The following SAMMSON variants were observed in gnomAD, a reference collection of about 807,000 sequenced individuals.
The protein encoded by SAMMSON is long intergenic non-protein coding RNA 1212.
At chr3:70,113,115 T>C (rs556272695) in intron 4 of SAMMSON, among the ~76,000 whole-genome samples, 151 of 152,312 alleles carry the variant, frequency 9.9e-4, no homozygotes, top group Non-Finnish European at 1.4e-3. Flanking sequence ...AAAGGACATA[T>C]ATATATCTCC....
At chr3:70,088,548 A>T (rs935301524) in intron 4 of SAMMSON, among the ~76,000 whole-genome samples, 1 of 152,202 alleles carries the variant, frequency 6.6e-6, no homozygotes, top group Admixed American at 6.5e-5. Flanking sequence ...AAGCCCATGT[A>T]TAAATTGGCT....
At chr3:70,049,437 T>G (rs772610090) in intron 3 of SAMMSON, among the ~76,000 whole-genome samples, 1 of 152,198 alleles carries the variant, frequency 6.6e-6, no homozygotes, top group South Asian at 2.1e-4. Flanking sequence ...TCACAATGAT[T>G]AATGATACAG....
chr3:70,014,662 T>A (rs2066973964), intron 3 of SAMMSON: 1 of 152,134 alleles, frequency 6.6e-6, no homozygotes, highest in African/African-American at 2.4e-5. Flanking sequence ...GAGAATGTCT[T>A]TAGGGACAGA....
At chr3:70,432,396 AAT>A (rs140750936) in intron 2 of SAMMSON, among the ~76,000 whole-genome samples, 98 of 147,560 alleles carry the variant, frequency 6.6e-4, no homozygotes, top group Admixed American at 8.8e-4. Flanking sequence ...TCATTTGTCA[AAT>A]ATATATATAT....
chr3:70,282,554 A>C (rs1702098101), intron 6 of SAMMSON, among the ~76,000 whole-genome samples: 1 of 152,162 alleles, frequency 6.6e-6, no homozygotes, highest in South Asian at 2.1e-4. Flanking sequence ...GGCTTTGAAC[A>C]TTCCAAGCAG....
At chr3:70,062,633 C>T (rs1400230893) in intron 3 of SAMMSON, among the ~76,000 whole-genome samples, 1 of 152,150 alleles carries the variant, frequency 6.6e-6, no homozygotes, top group African/African-American at 2.4e-5. Flanking sequence ...CACTGCTCTT[C>T]TGTCATTGTG....
At chr3:70,136,250 C>A (rs1343984689) in intron 4 of SAMMSON, among the ~76,000 whole-genome samples, 2 of 152,158 alleles carry the variant, frequency 1.3e-5, no homozygotes, top group Non-Finnish European at 2.9e-5. Flanking sequence ...CTGAGCTGTT[C>A]ACCAAAAAGT....
At chr3:70,325,774 G>A (rs1335304990) in intron 7 of SAMMSON, among the ~76,000 whole-genome samples, 2 of 152,080 alleles carry the variant, frequency 1.3e-5, no homozygotes, top group Admixed American at 1.3e-4. Flanking sequence ...GAAGAAAACT[G>A]GTAGGTATAT....
intron 7 of SAMMSON, among the ~76,000 whole-genome samples, chr3:70,320,354 G>A (rs946567805): frequency 3.3e-5 from 5 of 152,028 alleles, no homozygotes; most frequent in Non-Finnish European, 7.4e-5. Context: ...AAGCAAGGGG[G>A]GAATTATTTT....
At chr3:70,402,259 T>A (rs1265063532) in intron 2 of SAMMSON, among the ~76,000 whole-genome samples, 1 of 152,214 alleles carries the variant, frequency 6.6e-6, no homozygotes, top group African/African-American at 2.4e-5. Flanking sequence ...TATTTCTTAC[T>A]GAAACACCAT....
At position 70,356,415 on chromosome 3, in the gene SAMMSON, T is replaced by C. The variant is rs570710976; in HGVS notation, n.843-1839T>C. Among the ~76,000 whole-genome samples, 5 of 152,206 alleles carry C rather than the reference T, an allele frequency of 3.3e-5. No homozygotes were observed. In the South Asian group the frequency reaches 1.0e-3, roughly 32 times the overall value. Reference sequence around the variant, plus strand: ...CCAACTTTAATCAACTTAGGTATACTAACAAAAATATTTCCAAAATGTGCT... The same window carrying C: ...CCAACTTTAATCAACTTAGGTATACCAACAAAAATATTTCCAAAATGTGCT... On this transcript the variant is annotated intron_variant and non_coding_transcript_variant, in intron 8 of 9. Coordinates refer to ENST00000642114, the Ensembl canonical transcript of SAMMSON.
intron 4 of SAMMSON, among the ~76,000 whole-genome samples, chr3:70,177,153 A>T (rs1287074184): frequency 6.6e-6 from 1 of 152,252 alleles, no homozygotes; most frequent in Non-Finnish European, 1.5e-5. Flanking sequence ...GAAAGAAAAT[A>T]TGGAAAGAAA....
At chr3:70,088,001 C>G (rs181117319) in intron 4 of SAMMSON, among the ~76,000 whole-genome samples, 1 of 152,170 alleles carries the variant, frequency 6.6e-6, no homozygotes, top group Admixed American at 6.5e-5. Context: ...TAGGGGAGAG[C>G]ATTGCTTAAG....
At chr3:70,022,532 T>A (rs1287314454) in intron 3 of SAMMSON, among the ~76,000 whole-genome samples, 1 of 152,036 alleles carries the variant, frequency 6.6e-6, no homozygotes, top group Non-Finnish European at 1.5e-5. Context: ...GTTCTTTTGG[T>A]CTTTCAGTTG....
intron 4 of SAMMSON, chr3:70,126,272 A>G (rs1186439360): frequency 4.1e-6 from 4 of 980,998 alleles, no homozygotes; most frequent in Non-Finnish European, 6.0e-6. Context: ...TTTTTTTTTC[A>G]GAGACTGGAG....
chr3:70,418,940 CT>C (rs1701286558), intron 2 of SAMMSON, among the ~76,000 whole-genome samples: 2 of 91,474 alleles, frequency 2.2e-5, no homozygotes, highest in Non-Finnish European at 5.0e-5. Flanking sequence ...CTTTCCTTTC[CT>C]TTCCTTTCCT....
intron 2 of SAMMSON, among the ~76,000 whole-genome samples, chr3:70,422,192 A>G (rs767777915): frequency 6.6e-6 from 1 of 152,054 alleles, no homozygotes; most frequent in Non-Finnish European, 1.5e-5. Context: ...AAAAGAGAGG[A>G]CAGAGGCATA....
intron 4 of SAMMSON, among the ~76,000 whole-genome samples, chr3:70,114,144 C>T (rs763811311): frequency 3.3e-5 from 5 of 152,272 alleles, no homozygotes; most frequent in Admixed American, 6.5e-5. Context: ...TCCAGAGGAG[C>T]GGGTCAGAAG....
At chr3:70,382,851 CTAT>C (rs1703084127) in intron 9 of SAMMSON, among the ~76,000 whole-genome samples, 1 of 151,840 alleles carries the variant, frequency 6.6e-6, no homozygotes, top group African/African-American at 2.4e-5. Flanking sequence ...CTCTTGAACT[CTAT>C]TATATGAATG....
Sources: allele counts gnomAD v4.1 joint callset (sites outside exome capture counted in the v4.1 genomes callset), GRCh38; gene constraint gnomAD v4.1.1; transcripts MANE v1.5; gene names NCBI Gene and HGNC (gene_info 2026-07-23, HGNC 2026-07-21).